HERC3: variants seen among roughly 807,000 people sequenced by gnomAD.
The protein encoded by HERC3 is probable E3 ubiquitin-protein ligase HERC3.
A neutral mutation model predicts 129.9 loss-of-function variants in HERC3; 58 were observed. That is an observed-to-expected ratio of 0.45 (90% CI 0.36 to 0.56). HERC3 has a LOEUF of 0.56. Among genes scored for constraint, HERC3 ranks in the 20% least tolerant of loss-of-function variants. The pLI is 0.00. For missense variants in HERC3, 835 were observed against 1,244.2 expected, an observed-to-expected ratio of 0.67 and a Z score of 4.95; for synonymous variants, 430 against 451.0, an observed-to-expected ratio of 0.95 and a Z score of 0.59.
intron 3 of HERC3, among the ~76,000 whole-genome samples, chr4:88,610,265 C>T (rs766270066): frequency 6.0e-4 from 91 of 151,994 alleles, no homozygotes; most frequent in Non-Finnish European, 6.9e-4. Flanking sequence ...CCAGCCTGAC[C>T]AACATGGTGA....
chr4:88,693,797 G>A (rs543569754), intron 23 of HERC3: 1 of 488,066 alleles, frequency 2.0e-6, no homozygotes, highest in East Asian at 1.5e-4. Flanking sequence ...TTGGTTGAGT[G>A]TGTATTGCAT....
intron 3 of HERC3, among the ~76,000 whole-genome samples, chr4:88,621,332 C>T (rs1277584874): frequency 1.3e-5 from 2 of 152,188 alleles, no homozygotes; most frequent in East Asian, 3.8e-4. Flanking sequence ...GTCTCAAACT[C>T]CTGACCTCAG....
intron 2 of HERC3, among the ~76,000 whole-genome samples, chr4:88,598,277 T>C (rs1487100296): frequency 3.3e-5 from 5 of 152,144 alleles, no homozygotes; most frequent in Non-Finnish European, 5.9e-5. Context: ...GGTTGTCGTT[T>C]AGCATTCAAC....
At chr4:88,528,193 G>A in the HERC3 span, 3 of 176,126 alleles carry the variant, frequency 1.7e-5, no homozygotes, top group Non-Finnish European at 2.5e-5. Flanking sequence ...CTGTGCTGGG[G>A]AGACTCGTTT....
intron 23 of HERC3, chr4:88,697,148 A>G (rs1734678964): frequency 6.9e-7 from 1 of 1,448,712 alleles, no homozygotes; most frequent in East Asian, 2.5e-5. Flanking sequence ...ATATTCTGGG[A>G]AAAACAAAAC....
At chr4:88,639,003 A>G (rs1727767444) in intron 3 of HERC3, among the ~76,000 whole-genome samples, 1 of 152,182 alleles carries the variant, frequency 6.6e-6, no homozygotes. Flanking sequence ...TGTTACAAAG[A>G]GAATAAAATA....
chr4:88,590,965 C>A (rs1225074563), upstream of HERC3, among the ~76,000 whole-genome samples: 1 of 149,636 alleles, frequency 6.7e-6, no homozygotes, highest in South Asian at 2.1e-4. Context: ...TTTCAGCTTA[C>A]TGCAACCTCC....
intron 3 of HERC3, among the ~76,000 whole-genome samples, chr4:88,636,902 G>A (rs754108950): frequency 6.6e-6 from 1 of 152,200 alleles, no homozygotes; most frequent in Admixed American, 6.5e-5. Flanking sequence ...TTGTGAGGCC[G>A]AGGTGGGCGG....
At chr4:88,546,631 C>T in the HERC3 span, among the ~76,000 whole-genome samples, 5 of 152,066 alleles carry the variant, frequency 3.3e-5, no homozygotes, top group African/African-American at 9.7e-5. Flanking sequence ...CGCTTCAGAC[C>T]CCCCAGGGAA....
rs532601690 is a variant in HERC3 at position 88,606,468 on chromosome 4, G to A, written c.226+419G>A. ...ATGTAATATCAGTTACCTGGGGAGG[G>A]GAGGTGACTAGTTAGTTCAGAGTTA... is the stretch of plus-strand genomic sequence containing the variant. On this transcript the variant is annotated intron_variant, in intron 3 of 25. Coordinates refer to ENST00000402738, the MANE Select transcript of HERC3 (RefSeq NM_014606.3). Among the ~76,000 whole-genome samples, 201 of 152,100 alleles carry A rather than the reference G, an allele frequency of 1.3e-3. 1 individual carries two copies. The highest frequency in any genetic ancestry group is 4.2e-3 in the African/African-American group (174 of 41,504).
chr4:88,561,010 G>T, the HERC3 span, among the ~76,000 whole-genome samples: 1 of 152,178 alleles, frequency 6.6e-6, no homozygotes, highest in South Asian at 2.1e-4. Flanking sequence ...TTTGATAACA[G>T]AAAGTATAAT....
rs1560723855 is a variant in HERC3 at position 88,654,379 on chromosome 4, TATATATATAC to T, written c.777+248_777+257del. ...ATATATATATATATATATATATATATATATATATACACACACACACATAATGTAGATTATA... is the reference window on the plus strand; with the variant it reads ...ATATATATATATATATATATATATATACACACACACATAATGTAGATTATA... On this transcript the variant is annotated intron_variant, in intron 7 of 25. Coordinates refer to ENST00000402738, the MANE Select transcript of HERC3 (RefSeq NM_014606.3). Among the ~76,000 whole-genome samples, 106 of 99,142 alleles carry T rather than the reference TATATATATAC, an allele frequency of 1.1e-3. 1 individual carries two copies. Among genetic ancestry groups the T allele is most frequent in the Non-Finnish European group, 1.7e-3 (77 of 46,294 alleles). The allele number at this position is 99,142 out of a possible 152,430, so 65.0% of individuals were successfully genotyped here.
chr4:88,649,882 C>T lies in HERC3; in HGVS notation c.269C>T (p.Ala90Val). 6.2e-7 allele frequency: 1 copy of T among 1,614,020 alleles called. No individual in the cohort carries two copies. Among genetic ancestry groups the T allele is most frequent in the East Asian group, 2.2e-5 (1 of 44,876 alleles). ...ALADQHIIHV[A>V]CGESHSLALS... ...GCAGATCAGCATATCATTCATGTGG[C>T]ATGTGGCGAGTCCCACAGTCTGGCC... Residue 90 changes from alanine to valine, a missense_variant, in exon 4 of 26, where the codon GCA becomes GTA. Ala to Val is a moderately conservative substitution (Grantham distance 64, BLOSUM62 0). Transcript: ENST00000402738.
chr4:88,577,623 T>TC, the HERC3 span, among the ~76,000 whole-genome samples: 1 of 98,334 alleles, frequency 1.0e-5, no homozygotes, highest in Admixed American at 8.7e-5. Context: ...ATATAATAGG[T>TC]TTGTAATACC....
intron 2 of HERC3, among the ~76,000 whole-genome samples, chr4:88,598,957 T>A (rs1722693695): frequency 6.6e-6 from 1 of 152,194 alleles, no homozygotes; most frequent in African/African-American, 2.4e-5. Flanking sequence ...GTGTAGGTGC[T>A]GAGGGAAGTG....
chr4:88,680,405 T>C (rs1393924320), intron 20 of HERC3, among the ~76,000 whole-genome samples, 169 bp downstream of exon 20: 1 of 152,260 alleles, frequency 6.6e-6, no homozygotes, highest in African/African-American at 2.4e-5. Flanking sequence ...TATACTTGTT[T>C]CCAAGACCTC....
At chr4:88,595,975 G>C (rs574277266) in intron 2 of HERC3, among the ~76,000 whole-genome samples, 2 of 148,406 alleles carry the variant, frequency 1.3e-5, no homozygotes, top group Non-Finnish European at 3.0e-5. Flanking sequence ...TCAGCCTCCC[G>C]AGTAGCTGGG....
chr4:88,678,328 G>A (rs755866762), intron 19 of HERC3, among the ~76,000 whole-genome samples, 194 bp downstream of exon 19: 3 of 152,100 alleles, frequency 2.0e-5, no homozygotes, highest in Non-Finnish European at 2.9e-5. Context: ...AAATGCCAGT[G>A]GATTATTTGA....
the HERC3 span, among the ~76,000 whole-genome samples, chr4:88,571,330 C>G: frequency 6.6e-6 from 1 of 152,164 alleles, no homozygotes; most frequent in Non-Finnish European, 1.5e-5. Context: ...AGATAATATA[C>G]AAATTAGTAA....
Sources: gnomAD v4.1 joint callset for allele counts (sites outside exome capture counted in the v4.1 genomes callset) on GRCh38, gnomAD v4.1.1 for gene constraint, MANE v1.5 for transcripts, NCBI Gene and HGNC (gene_info 2026-07-23, HGNC 2026-07-21) for gene names.